Variants in TAF12 observed in about 807,000 individuals in gnomAD.
The protein encoded by TAF12 is TATA-box binding protein associated factor 12, also known as transcription initiation factor TFIID subunit 12.
Under a neutral mutation model 20.8 loss-of-function variants are expected in TAF12, and 3 were observed. That is an observed-to-expected ratio of 0.14 (90% CI 0.07 to 0.37). The LOEUF (loss-of-function observed/expected upper bound fraction) is 0.37. Among genes scored for constraint, TAF12 ranks in the 10% least tolerant of loss-of-function variants. The pLI is 1.00. For missense variants in TAF12, 131 were observed against 197.9 expected (o/e 0.66, Z 2.03); for synonymous variants, 69 against 70.2 (o/e 0.98, Z 0.09).
At chr1:28,611,053 C>T (rs1472846440) in intron 4 of TAF12, among the ~76,000 whole-genome samples, 1 of 150,568 alleles carries the variant, frequency 6.6e-6, no homozygotes, top group Non-Finnish European at 1.5e-5. Context: ...GAATAGAATT[C>T]ACCAGGAGTG....
At chr1:28,640,814 C>G (rs1668004530) in intron 1 of TAF12, among the ~76,000 whole-genome samples, 1 of 152,166 alleles carries the variant, frequency 6.6e-6, no homozygotes, top group Non-Finnish European at 1.5e-5. Flanking sequence ...TGCAGTGGCT[C>G]ATGCCTATAA....
chr1:28,606,821 T>G lies in TAF12; in HGVS notation c.362-1361A>C, dbSNP rs142983053. Reference sequence around the variant, plus strand: ...TCTGCTGCTTCACTGAGCAGCTGTATGACGCTGGCTCCCAGTTTCTTCATT... The same window carrying G: ...TCTGCTGCTTCACTGAGCAGCTGTAGGACGCTGGCTCCCAGTTTCTTCATT... On this transcript the variant is annotated intron_variant, in intron 4 of 5. Coordinates refer to ENST00000373824, the MANE Select transcript of TAF12 (RefSeq NM_005644.4). 5.4e-3 allele frequency among the ~76,000 whole-genome samples: 816 copies of G among 152,374 alleles called. 4 individuals are homozygous for G. Among genetic ancestry groups the G allele is most frequent in the African/African-American group, 0.019 (790 of 41,596 alleles).
intron 1 of TAF12, among the ~76,000 whole-genome samples, chr1:28,623,027 A>G (rs1392747928): frequency 6.7e-6 from 1 of 148,336 alleles, no homozygotes; most frequent in African/African-American, 2.5e-5. Context: ...ACTCGCCCCC[A>G]CCGCCCCACA....
chr1:28,618,932 C>G (rs1442051847), intron 2 of TAF12, among the ~76,000 whole-genome samples: 1 of 152,138 alleles, frequency 6.6e-6, no homozygotes, highest in East Asian at 1.9e-4. Flanking sequence ...CCTGTAGTCC[C>G]AGCTACTCAG....
chr1:28,608,570 A>G (rs1666748657), intron 4 of TAF12, among the ~76,000 whole-genome samples: 1 of 151,762 alleles, frequency 6.6e-6, no homozygotes, highest in African/African-American at 2.4e-5. Flanking sequence ...CCTGGGCAAC[A>G]CAGTGAAAAC....
chr1:28,643,455 G>A (rs897769212), upstream of TAF12: 1 of 152,192 alleles, frequency 6.6e-6, no homozygotes, highest in Non-Finnish European at 1.5e-5. Flanking sequence ...TTACCCCACA[G>A]GTATCCTGTT....
intron 1 of TAF12, chr1:28,642,512 C>T: frequency 2.1e-6 from 1 of 480,596 alleles, no homozygotes. Flanking sequence ...CTGTTCCCTT[C>T]CAAACTCAAG....
At chr1:28,629,358 C>T (rs1667543064) in intron 1 of TAF12, among the ~76,000 whole-genome samples, 1 of 152,082 alleles carries the variant, frequency 6.6e-6, no homozygotes, top group African/African-American at 2.4e-5. Context: ...GTTTCTGAGA[C>T]ACAGTCTCAC....
chr1:28,610,805 C>T (rs1666828967), intron 4 of TAF12, among the ~76,000 whole-genome samples: 1 of 151,578 alleles, frequency 6.6e-6, no homozygotes, highest in Non-Finnish European at 1.5e-5. Flanking sequence ...ACTAAAAATA[C>T]AAAAATTAGC....
At chr1:28,603,660 A>G in intron 5 of TAF12, 86 bp from the exon 6 acceptor site, 3 of 1,417,648 alleles carry the variant, frequency 2.1e-6, no homozygotes, top group Non-Finnish European at 3.0e-6. Flanking sequence ...AGCAGGCCTC[A>G]TGGTCTACAC....
At chr1:28,646,786 C>T (rs937048802), upstream of TAF12, among the ~76,000 whole-genome samples, 12 of 151,558 alleles carry the variant, frequency 7.9e-5, no homozygotes, top group African/African-American at 2.4e-5. Flanking sequence ...GCAAGCTCCA[C>T]CTCCTGGGTT....
chr1:28,618,084 A>G (rs1171934739), intron 2 of TAF12, 54 bp from the exon 3 acceptor site: 1 of 1,515,172 alleles, frequency 6.6e-7, no homozygotes, highest in African/African-American at 1.4e-5. Flanking sequence ...AATGAAACAA[A>G]TCATTACCCT....
At chr1:28,643,612 A>T (rs1668112598), upstream of TAF12, 1 of 152,194 alleles carries the variant, frequency 6.6e-6, no homozygotes, top group Non-Finnish European at 1.5e-5. Flanking sequence ...CCGTTACGCC[A>T]TTTAATCATT....
At chr1:28,611,646 C>G (rs190888356) in intron 4 of TAF12, among the ~76,000 whole-genome samples, 2 of 152,122 alleles carry the variant, frequency 1.3e-5, no homozygotes, top group African/African-American at 4.8e-5. Context: ...TGCCAGCCAC[C>G]ACCAGAGGCT....
At chr1:28,641,659 T>C (rs894585362) in intron 1 of TAF12, among the ~76,000 whole-genome samples, 1 of 151,890 alleles carries the variant, frequency 6.6e-6, no homozygotes, top group Non-Finnish European at 1.5e-5. Flanking sequence ...CAGGGCGTGG[T>C]GGCACACGCC....
At chr1:28,639,416 C>T (rs1211914713) in intron 1 of TAF12, among the ~76,000 whole-genome samples, 3 of 57,260 alleles carry the variant, frequency 5.2e-5, no homozygotes, top group African/African-American at 3.7e-4. Flanking sequence ...AAGAGCGAAA[C>T]TCCGTCTCAC....
At chr1:28,609,893 C>G (rs997220407) in intron 4 of TAF12, among the ~76,000 whole-genome samples, 1 of 152,146 alleles carries the variant, frequency 6.6e-6, no homozygotes, top group Non-Finnish European at 1.5e-5. Flanking sequence ...TAAACAACTC[C>G]CTGTACCCCC....
intron 2 of TAF12, 79 bp downstream of exon 2, chr1:28,621,835 T>C (rs992802816): frequency 6.5e-7 from 1 of 1,531,980 alleles, no homozygotes; most frequent in East Asian, 2.5e-5. Context: ...GCATCTGAGA[T>C]GGACATCTCT....
At chr1:28,604,813 T>C (rs1305093772) in intron 5 of TAF12, among the ~76,000 whole-genome samples, 2 of 152,144 alleles carry the variant, frequency 1.3e-5, no homozygotes, top group African/African-American at 2.4e-5. Flanking sequence ...AACACTGCTG[T>C]TGGACTGACC....
Sources: allele counts gnomAD v4.1 joint callset (sites outside exome capture counted in the v4.1 genomes callset), GRCh38; gene constraint gnomAD v4.1.1; transcripts MANE v1.5; gene names NCBI Gene and HGNC (gene_info 2026-07-23, HGNC 2026-07-21).